The following TIAL1 variants were observed in gnomAD, a reference collection of about 807,000 sequenced individuals.
TIAL1 encodes TIA1 cytotoxic granule associated RNA binding protein like 1.
A neutral mutation model predicts 59.7 loss-of-function variants in TIAL1; 7 were observed. That is an observed-to-expected ratio of 0.12 (90% CI 0.07 to 0.22). The LOEUF (loss-of-function observed/expected upper bound fraction) is 0.22. TIAL1 is among the 10% of genes least tolerant of loss of function. The probability of loss-of-function intolerance (pLI) is 1.00; values close to 1 mark genes in which losing one functional copy is unlikely to be tolerated. For synonymous variants in TIAL1, 149 were observed against 146.3 expected, an observed-to-expected ratio of 1.02 and a Z score of -0.13; for missense variants, 225 against 462.5, an observed-to-expected ratio of 0.49 and a Z score of 4.71.
chr10:119,584,701 C>T (rs1485648401), intron 2 of TIAL1, among the ~76,000 whole-genome samples: 1 of 151,994 alleles, frequency 6.6e-6, no homozygotes, highest in Non-Finnish European at 1.5e-5. Context: ...TGGTGGCGGG[C>T]GCCTGTAATC....
intron 1 of TIAL1, 25 bp from the exon 2 acceptor site, chr10:119,588,273 C>A (rs2133990449): frequency 6.8e-7 from 1 of 1,464,260 alleles, no homozygotes; most frequent in Non-Finnish European, 9.3e-7. Flanking sequence ...AATACGTTAT[C>A]AGCAATTTTT....
At chr10:119,585,523 T>C (rs1389986634) in intron 2 of TIAL1, among the ~76,000 whole-genome samples, 1 of 150,874 alleles carries the variant, frequency 6.6e-6, no homozygotes, top group African/African-American at 2.5e-5. Flanking sequence ...TTGGATGACA[T>C]AAATGTCAAG....
rs538313963 is a variant in TIAL1 at position 119,585,194 on chromosome 10, T to C, written c.130-2637A>G. On this transcript the variant is annotated intron_variant, in intron 2 of 11. Transcript: ENST00000436547. ...TCTCATGCCTATAATCTCAGCACTT[T>C]AGGAGGATGAGGCAGAGGCAGGAGG... Among the ~76,000 whole-genome samples the C allele has an allele frequency of 4.0e-5, 6 of 150,452 alleles. No individual in the cohort carries two copies. The South Asian group carries it at 1.3e-3, about 32-fold the overall frequency.
intron 5 of TIAL1, chr10:119,580,945 G>C (rs1036144054): frequency 4.8e-5 from 23 of 476,300 alleles, no homozygotes; most frequent in Non-Finnish European, 6.7e-5. Context: ...ACAGCAACCT[G>C]TATTATTTTT....
intron 1 of TIAL1, among the ~76,000 whole-genome samples, chr10:119,589,144 A>T (rs1845722952): frequency 6.6e-6 from 1 of 152,192 alleles, no homozygotes; most frequent in African/African-American, 2.4e-5. Context: ...TCACTGTTTC[A>T]TTTTAGGAGA....
Position 119,595,419 on chromosome 10 carries a change from T to C in TIAL1, c.32+1015A>G, listed in dbSNP as rs1484096243. Among the ~76,000 whole-genome samples the C allele has an allele frequency of 3.7e-5, 5 of 136,794 alleles. No individual in the cohort carries two copies. The South Asian group carries it at 7.1e-4, about 20-fold the overall frequency. The allele number at this position is 136,794 out of a possible 152,430, so 89.7% of individuals were successfully genotyped here. A position where few individuals can be genotyped will look rare whatever the true frequency, so the allele number is the denominator to read the frequency against. On this transcript the variant is annotated intron_variant, in intron 1 of 11. Transcript: ENST00000436547. ...TAGGGTGCCCAATTTAAACATTTAA[T>C]TAAAAAGTATTCAGACTTAAAAAAA... is the stretch of plus-strand genomic sequence containing the variant.
intron 1 of TIAL1, among the ~76,000 whole-genome samples, chr10:119,589,026 C>T (rs1845716842): frequency 6.6e-6 from 1 of 152,044 alleles, no homozygotes; most frequent in South Asian, 2.1e-4. Context: ...CCAACCAAAG[C>T]AATTACATGA....
In TIAL1 at chr10:119,582,603, G is replaced by C. The variant is rs748179350; in HGVS notation, c.130-46C>G. The C allele has an allele frequency of 3.1e-6, 5 of 1,595,796 alleles. No homozygotes were observed. The highest frequency in any genetic ancestry group is 1.1e-5 in the South Asian group (1 of 87,924). On this transcript the variant is annotated intron_variant, in intron 2 of 11. Coordinates refer to ENST00000436547, the MANE Select transcript of TIAL1 (RefSeq NM_003252.4). This position sits in a 1 kb window ranked among gnomAD's most constrained non-coding sequence, Gnocchi z 5.1. ...CAGAAGAGTTGACCCTTCTGCTATC[G>C]GGTTGCTGAGAAGAAAATCCAGGAA...
At chr10:119,590,412 T>C (rs772339389) in intron 1 of TIAL1, among the ~76,000 whole-genome samples, 8 of 152,006 alleles carry the variant, frequency 5.3e-5, no homozygotes, top group Non-Finnish European at 7.4e-5. Context: ...GACCTATCTG[T>C]AAGAAAAATG....
intron 1 of TIAL1, among the ~76,000 whole-genome samples, chr10:119,590,740 G>T (rs1026153204): frequency 1.9e-4 from 25 of 129,836 alleles, no homozygotes; most frequent in African/African-American, 7.4e-4. Context: ...AAGAGAGAAA[G>T]AGAGAGAGAC....
intron 7 of TIAL1, among the ~76,000 whole-genome samples, chr10:119,578,367 T>C (rs1233978687): frequency 1.3e-5 from 2 of 152,052 alleles, no homozygotes; most frequent in African/African-American, 2.4e-5. Flanking sequence ...CACAGCCCAA[T>C]TATTTTCAGA....
chr10:119,578,859 T>C, intron 6 of TIAL1, 25 bp from the exon 7 acceptor site: 2 of 1,573,504 alleles, frequency 1.3e-6, no homozygotes, highest in South Asian at 2.2e-5. Flanking sequence ...GAAAGCACAA[T>C]CACAAAGAAA....
chr10:119,595,991 G>A (rs1846159967), intron 1 of TIAL1, among the ~76,000 whole-genome samples: 1 of 152,010 alleles, frequency 6.6e-6, no homozygotes, highest in Non-Finnish European at 1.5e-5. Context: ...GACGTGGAAG[G>A]GGTGAGTGCT....
chr10:119,577,591 T>G (rs747790797), intron 8 of TIAL1, 50 bp downstream of exon 8: 1 of 1,606,142 alleles, frequency 6.2e-7, no homozygotes, highest in African/African-American at 1.3e-5. Flanking sequence ...GAAATTCATA[T>G]GAACAGTGAT....
At chr10:119,593,469 T>C (rs1451546637) in intron 1 of TIAL1, 1 of 985,598 alleles carries the variant, frequency 1.0e-6, no homozygotes, top group Admixed American at 6.1e-5. Flanking sequence ...CTAAACACCA[T>C]ATTGTTTTCT....
At chr10:119,581,809 GAAACA>G (rs1845321313) in intron 5 of TIAL1, 108 bp downstream of exon 5, 5 of 806,490 alleles carry the variant, frequency 6.2e-6, no homozygotes, top group Non-Finnish European at 5.7e-6. Context: ...TGAAAAATAA[GAAACA>G]AAACAAAACC....
chr10:119,594,536 C>T (rs1307964094), intron 1 of TIAL1, among the ~76,000 whole-genome samples: 3 of 152,170 alleles, frequency 2.0e-5, no homozygotes, highest in Admixed American at 2.0e-4. Flanking sequence ...GTTAGCTAGT[C>T]TTTAAGCCTA....
chr10:119,579,099 G>A (rs930301776), intron 6 of TIAL1, among the ~76,000 whole-genome samples: 2 of 152,162 alleles, frequency 1.3e-5, no homozygotes, highest in Non-Finnish European at 2.9e-5. Context: ...CACTTTGGGA[G>A]GCCAAGGCAG....
At position 119,574,601 on chromosome 10, in the gene TIAL1, A is replaced by AC. The variant is rs967849500; in HGVS notation, c.*1063_*1064insG. On this transcript the variant is annotated 3_prime_UTR_variant, in exon 12 of 12. Transcript: ENST00000436547. ...TAATGTAAAGCAAAAAAAAAAAAAA[A>AC]AAAAAACAAAAACAAAAAACTAATT... The AC allele has an allele frequency of 8.6e-5, 13 of 150,366 alleles. No homozygotes were observed. The highest frequency in any genetic ancestry group is 2.1e-4 in the South Asian group (1 of 4,670). The allele number at this position is 150,366 out of a possible 1,614,324, so 9.3% of individuals were successfully genotyped here.
Sources: allele counts gnomAD v4.1 joint callset (sites outside exome capture counted in the v4.1 genomes callset), GRCh38; gene constraint gnomAD v4.1.1; non-coding constraint Gnocchi (gnomAD v3.1); transcripts MANE v1.5; gene names NCBI Gene and HGNC (gene_info 2026-07-23, HGNC 2026-07-21).